The following NMT1 variants were observed in gnomAD, a reference collection of about 807,000 sequenced individuals.
NMT1 encodes N-myristoyltransferase 1, also known as glycylpeptide N-tetradecanoyltransferase 1.
In NMT1, 12 loss-of-function variants were observed where a neutral mutation model predicts 63.4. The ratio of observed to expected loss-of-function variants is 0.19; its 90% CI spans 0.12 to 0.31. The LOEUF is 0.31. NMT1 is among the 10% of genes least tolerant of loss of function. NMT1 has a pLI of 1.00. For synonymous variants in NMT1, 228 were observed against 234.3 expected, an observed-to-expected ratio of 0.97 and a Z score of 0.25; for missense variants, 432 against 634.6, an observed-to-expected ratio of 0.68 and a Z score of 3.43.
intron 1 of NMT1, among the ~76,000 whole-genome samples, chr17:45,073,713 G>A (rs2053957769): frequency 6.6e-6 from 1 of 152,154 alleles, no homozygotes; most frequent in Non-Finnish European, 1.5e-5. Flanking sequence ...TACAGGGAAC[G>A]AAGCCATAGC....
At position 45,099,507 on chromosome 17, in the gene NMT1, G is replaced by A; in HGVS notation, c.987G>A (p.Leu329=). The A allele has an allele frequency of 1.2e-6, 2 of 1,611,880 alleles. No homozygotes were observed. Among genetic ancestry groups the A allele is most frequent in the Non-Finnish European group, 1.7e-6 (2 of 1,177,938 alleles). The change falls in exon 8 of 12, where the codon CTG becomes CTA. Residue 329 remains leucine (L), a synonymous_variant. Transcript: ENST00000258960. ...TMQRTMKLYR[L]PETPKTAGLR... The stretch of plus-strand genomic sequence containing the variant: ...AGCGCACCATGAAGCTCTACCGACT[G>A]CCAGAGGCCAGTGCTGCCCCGGGTG...
intron 2 of NMT1, among the ~76,000 whole-genome samples, chr17:45,083,352 A>G (rs560983435): frequency 6.6e-6 from 1 of 152,122 alleles, no homozygotes; most frequent in East Asian, 1.9e-4. Flanking sequence ...AAATTTAAAA[A>G]AAGGAACAGC....
chr17:45,072,275 T>A (rs956895884), intron 1 of NMT1, among the ~76,000 whole-genome samples: 3 of 151,470 alleles, frequency 2.0e-5, no homozygotes, highest in Non-Finnish European at 2.9e-5. Context: ...AAACTCAGTA[T>A]TTTTTTATTT....
chr17:45,086,162 C>T (rs1222885911), intron 2 of NMT1, among the ~76,000 whole-genome samples: 14 of 128,328 alleles, frequency 1.1e-4, no homozygotes, highest in South Asian at 2.4e-4. Flanking sequence ...CTAGCTTTGT[C>T]GCCCAGGCTG....
chr17:45,069,731 G>A (rs557339810), intron 1 of NMT1, among the ~76,000 whole-genome samples: 1 of 152,258 alleles, frequency 6.6e-6, no homozygotes, highest in East Asian at 1.9e-4. Context: ...GCAGCAGTGT[G>A]AATCCTATCT....
intron 2 of NMT1, among the ~76,000 whole-genome samples, chr17:45,085,045 C>T (rs1259687043): frequency 2.0e-5 from 3 of 151,592 alleles, no homozygotes; most frequent in African/African-American, 4.8e-5. Flanking sequence ...CCCAGGAGTT[C>T]GAGGCCAGCC....
intron 3 of NMT1, among the ~76,000 whole-genome samples, chr17:45,090,316 G>A (rs1598013438): frequency 6.6e-6 from 1 of 152,146 alleles, no homozygotes; most frequent in South Asian, 2.1e-4. Context: ...AAAAATGAAA[G>A]GCCTTCTTAG....
rs563957742 is a variant in NMT1 at position 45,108,324 on chromosome 17, C to T, written c.*2685C>T. The stretch of plus-strand genomic sequence containing the variant: ...GGAGGCCTCCACTCCGGATCGAGGC[C>T]TGTATAGGGCTCGTTTCCCCACACA... On this transcript the variant is annotated 3_prime_UTR_variant, in exon 12 of 12. Transcript: ENST00000258960. The T allele has an allele frequency of 6.6e-6, 1 of 152,264 alleles. No homozygotes were observed. Among genetic ancestry groups the T allele is most frequent in the Non-Finnish European group, 1.5e-5 (1 of 68,002 alleles). 9.4% of individuals were successfully genotyped at this position (152,264 alleles called of 1,614,324 possible).
intron 8 of NMT1, among the ~76,000 whole-genome samples, chr17:45,101,580 T>C (rs920182635): frequency 1.6e-4 from 22 of 139,842 alleles, no homozygotes; most frequent in African/African-American, 3.5e-4. Context: ...GATCGCACCA[T>C]TGGACTCCAG....
chr17:45,104,827 A>C lies in NMT1; in HGVS notation c.1333-32A>C. The C allele has an allele frequency of 6.2e-7, 1 of 1,613,772 alleles. No individual in the cohort carries two copies. The highest frequency in any genetic ancestry group is 8.5e-7 in the Non-Finnish European group (1 of 1,179,718). Reference sequence around the variant, plus strand: ...AAGGAGGCTGTCCCCACCTGTCCTCACCTGTTCTTGTTTGTCCCTGCTGCT... The same window carrying C: ...AAGGAGGCTGTCCCCACCTGTCCTCCCCTGTTCTTGTTTGTCCCTGCTGCT... On this transcript the variant is annotated intron_variant, in intron 10 of 11. Transcript: ENST00000258960. The surrounding 1 kb of genome is among the most constrained non-coding windows in gnomAD (Gnocchi z 4.2).
intron 1 of NMT1, among the ~76,000 whole-genome samples, chr17:45,066,599 A>G (rs943300424): frequency 6.6e-6 from 1 of 152,102 alleles, no homozygotes; most frequent in East Asian, 2.0e-4. Flanking sequence ...ATAAATAAAA[A>G]CAAAAAAACC....
At position 45,103,053 on chromosome 17, in the gene NMT1, A is replaced by G; in HGVS notation, c.1096A>G (p.Met366Val). The change falls in exon 9 of 12, where the codon ATG becomes GTG. Residue 366 changes from methionine to valine, a missense_variant. Met to Val is a conservative substitution (Grantham distance 21). Transcript: ENST00000258960. The surrounding 1 kb of genome is among the most constrained non-coding windows in gnomAD (Gnocchi z 4.8). ...GAAGCAATTTCACCTTACGCCCGTC[A>G]TGAGCCAGGAGGAGGTGGAGCACTG... ...YLKQFHLTPV[M>V]SQEEVEHWFY... The G allele has an allele frequency of 6.2e-7, 1 of 1,614,072 alleles. No individual in the cohort carries two copies. The highest frequency in any genetic ancestry group is 8.5e-7 in the Non-Finnish European group (1 of 1,179,954).
intron 4 of NMT1, among the ~76,000 whole-genome samples, chr17:45,094,875 C>T (rs183875354): frequency 1.9e-4 from 28 of 147,414 alleles, no homozygotes; most frequent in African/African-American, 2.8e-4. Context: ...TGCAGTGGCG[C>T]GATCTTGGCT....
chr17:45,074,076 C>G (rs1017081987), intron 1 of NMT1, among the ~76,000 whole-genome samples: 1 of 152,140 alleles, frequency 6.6e-6, no homozygotes, highest in African/African-American at 2.4e-5. Context: ...GCTCACATAC[C>G]CAGCATTGCG....
chr17:45,099,273 T>G (rs1598018259), intron 7 of NMT1, 132 bp from the exon 8 acceptor site: 2 of 679,828 alleles, frequency 2.9e-6, no homozygotes. Flanking sequence ...GAGAGCAGGG[T>G]GACACCACTG....
chr17:45,104,187 T>C lies in NMT1; in HGVS notation c.1332+311T>C. On this transcript the variant is annotated intron_variant, in intron 10 of 11. Coordinates refer to ENST00000258960, the MANE Select transcript of NMT1 (RefSeq NM_021079.5). This position sits in a 1 kb window ranked among gnomAD's most constrained non-coding sequence, Gnocchi z 4.2. ...GAGGACAGGGCTTCTCCTCACAGCTTTCCCAGCGTGGGAAAGGGGTGATTG... is the reference window on the plus strand; with the variant it reads ...GAGGACAGGGCTTCTCCTCACAGCTCTCCCAGCGTGGGAAAGGGGTGATTG... 1.6e-6 allele frequency: 2 copies of C among 1,267,624 alleles called. No homozygotes were observed. Among genetic ancestry groups the C allele is most frequent in the Non-Finnish European group, 2.0e-6 (2 of 992,794 alleles). 78.5% of individuals were successfully genotyped at this position (1,267,624 alleles called of 1,614,324 possible).
chr17:45,065,459 A>G lies in NMT1; in HGVS notation c.131+3999A>G, dbSNP rs1328289974. Among the ~76,000 whole-genome samples the G allele has an allele frequency of 2.0e-5, 3 of 151,782 alleles. No homozygotes were observed. The East Asian group carries it at 5.8e-4, about 29-fold the overall frequency. On this transcript the variant is annotated intron_variant, in intron 1 of 11. Transcript: ENST00000258960. ...CTAACACAGTGAAACCCCATCTCTA[A>G]TAAAAATACAAAAAATTAGCCAGGT...
In NMT1 at chr17:45,103,364, G is replaced by A. The variant is rs1011104524; in HGVS notation, c.1164+243G>A. On this transcript the variant is annotated intron_variant, in intron 9 of 11. Transcript: ENST00000258960. This position sits in a 1 kb window ranked among gnomAD's most constrained non-coding sequence, Gnocchi z 4.8. ...CACAAAATAGAGAGAACTGAGCCCC[G>A]CTTAATCCTTCAGGAAAGCCTGCAA... Among the ~76,000 whole-genome samples the A allele has an allele frequency of 7.2e-5, 11 of 152,142 alleles. No homozygotes were observed. Among genetic ancestry groups the A allele is most frequent in the African/African-American group, 1.7e-4 (7 of 41,410 alleles).
At position 45,093,799 on chromosome 17, in the gene NMT1, G is replaced by T; in HGVS notation, c.500G>T (p.Gly167Val). Reference sequence around the variant, plus strand: ...GATGCTTTGGACCTGGGCGATCGTGGTGTGGTGAGTGGGCCCTCAGAAGGT... The same window carrying T: ...GATGCTTTGGACCTGGGCGATCGTGTTGTGGTGAGTGGGCCCTCAGAAGGT... ...TWDALDLGDRGVLKELYTLLN... is the reference protein window; with the variant it reads ...TWDALDLGDRVVLKELYTLLN... Residue 167 changes from glycine to valine, a missense_variant, in exon 4 of 12, where the codon GGT becomes GTT. Around this residue, in one of 4 missense-constraint regions of NMT1, gnomAD observed 295 missense variants for 489.7 expected, o/e 0.60. Coordinates refer to ENST00000258960, the MANE Select transcript of NMT1 (RefSeq NM_021079.5). 6.2e-7 allele frequency: 1 copy of T among 1,613,478 alleles called. No individual in the cohort carries two copies.
Sources: gnomAD v4.1 joint callset for allele counts (sites outside exome capture counted in the v4.1 genomes callset) on GRCh38, gnomAD v4.1.1 for gene constraint, gnomAD v4.1.1 regional missense constraint, Gnocchi (gnomAD v3.1) non-coding constraint, MANE v1.5 for transcripts, NCBI Gene and HGNC (gene_info 2026-07-23, HGNC 2026-07-21) for gene names.